Variants in ITPRID1 observed in about 807,000 individuals in gnomAD.
ITPRID1 encodes the protein ITPR interacting domain containing 1.
ITPRID1 carries 96 observed loss-of-function variants against 95.4 expected under a neutral mutation model. The ratio of observed to expected loss-of-function variants is 1.01; its 90% CI spans 0.85 to 1.19. The LOEUF is 1.19. ITPRID1 is among the 50% of genes most tolerant of loss of function. The pLI is 0.00. For missense variants in ITPRID1, 1,339 were observed against 1,252.9 expected, an observed-to-expected ratio of 1.07 and a Z score of -1.04; for synonymous variants, 510 against 453.6, an observed-to-expected ratio of 1.12 and a Z score of -1.58.
rs948136495 is a variant in ITPRID1 at position 31,655,239 on chromosome 7, T to G, written c.*2410T>G. Among the ~76,000 whole-genome samples the G allele has an allele frequency of 1.3e-5, 2 of 152,208 alleles. No individual in the cohort carries two copies. The highest frequency in any genetic ancestry group is 4.8e-5 in the African/African-American group (2 of 41,460). ...TCCTCTCTGTCAGTGGCACAGCCTT[T>G]CTCCTTGCTGCAGGCTCAGTGCCAC... is the stretch of plus-strand genomic sequence containing the variant. On this transcript the variant is annotated 3_prime_UTR_variant, in exon 15 of 15. Coordinates refer to ENST00000615280, the MANE Select transcript of ITPRID1 (RefSeq NM_001257967.3).
intron 9 of ITPRID1, among the ~76,000 whole-genome samples, chr7:31,578,968 G>A (rs1785299748): frequency 1.3e-5 from 2 of 152,060 alleles, no homozygotes; most frequent in African/African-American, 2.4e-5. Flanking sequence ...CCTAACACAG[G>A]GCCTCAGACA....
At chr7:31,647,581 A>G (rs1583734833) in intron 12 of ITPRID1, among the ~76,000 whole-genome samples, 1 of 151,268 alleles carries the variant, frequency 6.6e-6, no homozygotes, top group Non-Finnish European at 1.5e-5. Context: ...GGCTGAGGCA[A>G]GAGAATCACT....
At chr7:31,586,486 T>A (rs1219127565) in intron 10 of ITPRID1, among the ~76,000 whole-genome samples, 4 of 151,516 alleles carry the variant, frequency 2.6e-5, no homozygotes, top group Non-Finnish European at 4.4e-5. Flanking sequence ...TTTCTCCACA[T>A]CCTCTCCAGC....
At chr7:31,611,849 C>T (rs1786882433) in intron 10 of ITPRID1, among the ~76,000 whole-genome samples, 1 of 151,908 alleles carries the variant, frequency 6.6e-6, no homozygotes, top group South Asian at 2.1e-4. Context: ...AGTTTTTCCT[C>T]TCCGGAGTTT....
intron 10 of ITPRID1, among the ~76,000 whole-genome samples, chr7:31,586,526 G>T (rs1157445765): frequency 6.6e-6 from 1 of 150,806 alleles, no homozygotes; most frequent in African/African-American, 2.4e-5. Context: ...TTTAATGATC[G>T]CCATTCTAAC....
intron 12 of ITPRID1, among the ~76,000 whole-genome samples, chr7:31,649,073 G>A (rs1790734342): frequency 1.3e-5 from 2 of 152,210 alleles, no homozygotes; most frequent in South Asian, 4.1e-4. Context: ...ATTGATGCAA[G>A]AGTAATTGCA....
At chr7:31,547,760 G>A (rs12701119) in intron 1 of ITPRID1, among the ~76,000 whole-genome samples, 26,998 of 152,004 alleles carry the variant, frequency 0.18, 3,006 homozygotes, top group East Asian at 0.3. Context: ...CTGAGATGAA[G>A]CACACTAGAA....
intron 10 of ITPRID1, among the ~76,000 whole-genome samples, chr7:31,595,200 A>G (rs1169777918): frequency 6.7e-6 from 1 of 150,252 alleles, no homozygotes; most frequent in Non-Finnish European, 1.5e-5. Flanking sequence ...ATGAGCCACC[A>G]CACCCAGCTA....
At chr7:31,524,123 G>A (rs1187810713) in intron 1 of ITPRID1, among the ~76,000 whole-genome samples, 3 of 152,288 alleles carry the variant, frequency 2.0e-5, no homozygotes, top group Non-Finnish European at 4.4e-5. Context: ...CCTGATATTG[G>A]TGAGTATCCA....
chr7:31,612,624 AT>A (rs1438850674), intron 10 of ITPRID1, among the ~76,000 whole-genome samples: 1 of 152,108 alleles, frequency 6.6e-6, no homozygotes, highest in East Asian at 1.9e-4. Flanking sequence ...CTGGACAGAG[AT>A]TTTTTTAAGT....
At chr7:31,519,620 C>CTCTATATATATA in intron 1 of ITPRID1, among the ~76,000 whole-genome samples, 7 of 25,256 alleles carry the variant, frequency 2.8e-4, no homozygotes, top group African/African-American at 4.2e-4. Flanking sequence ...CTCTCTCTCT[C>CTCTATATATATA]TATATATATA....
intron 9 of ITPRID1, among the ~76,000 whole-genome samples, chr7:31,580,677 A>G (rs896476589): frequency 2.0e-5 from 3 of 151,944 alleles, no homozygotes; most frequent in Non-Finnish European, 2.9e-5. Context: ...AAAGCAAACA[A>G]AATCACATGT....
intron 5 of ITPRID1, among the ~76,000 whole-genome samples, chr7:31,562,396 T>G (rs1349100668): frequency 6.6e-6 from 1 of 152,204 alleles, no homozygotes; most frequent in Non-Finnish European, 1.5e-5. Flanking sequence ...GGTTAATTCA[T>G]GTGTCTTTTA....
intron 10 of ITPRID1, among the ~76,000 whole-genome samples, chr7:31,617,712 C>T (rs1212485902): frequency 2.0e-5 from 3 of 151,822 alleles, no homozygotes; most frequent in Non-Finnish European, 4.4e-5. Flanking sequence ...TCCCTCCGAC[C>T]CCCACAGTAC....
intron 10 of ITPRID1, among the ~76,000 whole-genome samples, chr7:31,602,100 C>T (rs941538269): frequency 6.6e-6 from 1 of 151,982 alleles, no homozygotes; most frequent in Non-Finnish European, 1.5e-5. Context: ...CACTCAAATT[C>T]AAACAGCCCC....
chr7:31,537,095 TTGTGTGTGTG>T (rs66543091), intron 1 of ITPRID1, among the ~76,000 whole-genome samples: 2,001 of 145,642 alleles, frequency 0.014, 18 homozygotes, highest in Non-Finnish European at 0.02. Flanking sequence ...GGTGTGTGTG[TTGTGTGTGTG>T]TGTGTGTGTG....
chr7:31,542,436 AAC>A (rs1214217631), intron 1 of ITPRID1, among the ~76,000 whole-genome samples: 2 of 152,286 alleles, frequency 1.3e-5, no homozygotes, highest in Admixed American at 1.3e-4. Flanking sequence ...CTTACTTGTA[AAC>A]ACCCCTTTCT....
intron 1 of ITPRID1, among the ~76,000 whole-genome samples, chr7:31,539,914 T>G (rs1183700559): frequency 6.6e-6 from 1 of 151,456 alleles, no homozygotes; most frequent in South Asian, 2.1e-4. Context: ...CGGGGAGGGG[T>G]TTGGAATGTT....
chr7:31,517,557 C>G (rs905269217), intron 1 of ITPRID1: 2 of 153,290 alleles, frequency 1.3e-5, no homozygotes, highest in Admixed American at 1.3e-4. Flanking sequence ...TAGCGGTCCA[C>G]GCACGGGACC....
Sources: gnomAD v4.1 joint callset for allele counts (sites outside exome capture counted in the v4.1 genomes callset) on GRCh38, gnomAD v4.1.1 for gene constraint, MANE v1.5 for transcripts, NCBI Gene and HGNC (gene_info 2026-07-23, HGNC 2026-07-21) for gene names.